CTNNA3: variants seen among roughly 807,000 people sequenced by gnomAD.
CTNNA3 encodes the protein catenin alpha 3.
In CTNNA3, 76 loss-of-function variants were observed where a neutral mutation model predicts 95.7. The observed-to-expected ratio is 0.79, with a 90% CI of 0.66 to 0.96. CTNNA3 has a LOEUF of 0.96. CTNNA3 is among the 40% of genes least tolerant of loss of function. The probability of loss-of-function intolerance (pLI) is 0.00; values close to 1 mark genes in which losing one functional copy is unlikely to be tolerated. For missense variants in CTNNA3, 1,191 were observed against 1,089.8 expected, an observed-to-expected ratio of 1.09 and a Z score of -1.31; for synonymous variants, 431 against 374.4, an observed-to-expected ratio of 1.15 and a Z score of -1.74.
At chr10:66,633,270 T>C (rs79228252) in intron 9 of CTNNA3, among the ~76,000 whole-genome samples, 10,562 of 152,210 alleles carry the variant, frequency 0.069, 499 homozygotes, top group Non-Finnish European at 0.1. Flanking sequence ...GGAGAATAAA[T>C]TATGTAATAT....
In CTNNA3 at chr10:66,882,909, C is replaced by G. The variant is rs140284635; in HGVS notation, c.1048-107385G>C. 4.4e-3 allele frequency among the ~76,000 whole-genome samples: 669 copies of G among 152,126 alleles called. 4 individuals carry two copies. Among genetic ancestry groups the G allele is most frequent in the African/African-American group, 0.015 (643 of 41,496 alleles). On this transcript the variant is annotated intron_variant, in intron 7 of 17. Transcript: ENST00000433211. ...GAGATAAAATTATTAATCTAATAAG[C>G]AGTTCTTAACATATTAGGAATACCT...
rs143623743 is a variant in CTNNA3, at chr10:67,656,560, T to C, written c.-5-9042A>G. ...TGATTTCGTATATTAGAAAATAACA[T>C]ATGCCATTTTAAAAAAGAAAAAGCA... On this transcript the variant is annotated intron_variant, in intron 1 of 17. Coordinates refer to ENST00000433211, the MANE Select transcript of CTNNA3 (RefSeq NM_013266.4). 1.1e-4 allele frequency among the ~76,000 whole-genome samples: 17 copies of C among 152,116 alleles called. No individual in the cohort carries two copies. The East Asian group carries it at 1.7e-3, about 16-fold the overall frequency.
intron 1 of CTNNA3, among the ~76,000 whole-genome samples, chr10:67,691,711 G>A (rs1589569865): frequency 6.6e-6 from 1 of 151,798 alleles, no homozygotes. Context: ...ACCCCGTCTG[G>A]GAAGTGAGGA....
intron 7 of CTNNA3, among the ~76,000 whole-genome samples, chr10:66,831,557 T>A (rs191433309): frequency 1.6e-4 from 25 of 152,300 alleles, no homozygotes; most frequent in Admixed American, 1.0e-3. Flanking sequence ...AGTTGGCACT[T>A]CAATTGTTTA....
At chr10:66,776,230 AT>A (rs1367644395) in intron 7 of CTNNA3, among the ~76,000 whole-genome samples, 2 of 152,224 alleles carry the variant, frequency 1.3e-5, no homozygotes, top group African/African-American at 4.8e-5. Context: ...ACTGGATTAA[AT>A]CTAATCATAC....
chr10:66,551,130 T>C (rs1289826407), intron 10 of CTNNA3, among the ~76,000 whole-genome samples: 1 of 152,190 alleles, frequency 6.6e-6, no homozygotes, highest in African/African-American at 2.4e-5. Flanking sequence ...CATCATTCCC[T>C]TTCCTTTAGC....
intron 2 of CTNNA3, among the ~76,000 whole-genome samples, chr10:67,622,012 T>C (rs911945876): frequency 6.6e-6 from 1 of 152,180 alleles, no homozygotes; most frequent in Non-Finnish European, 1.5e-5. Context: ...TCTGGACCCA[T>C]ACAGTAAAAG....
At chr10:67,720,883 G>A (rs535813636) in intron 1 of CTNNA3, among the ~76,000 whole-genome samples, 58 of 152,144 alleles carry the variant, frequency 3.8e-4, no homozygotes, top group Non-Finnish European at 6.5e-4. Flanking sequence ...GAATCTGGGA[G>A]GCGGAGGTTG....
intron 5 of CTNNA3, among the ~76,000 whole-genome samples, chr10:67,232,771 A>T (rs1476725247): frequency 2.0e-5 from 3 of 151,928 alleles, no homozygotes; most frequent in African/African-American, 4.8e-5. Flanking sequence ...AACCCATCTC[A>T]CGTGCAGAGA....
intron 13 of CTNNA3, among the ~76,000 whole-genome samples, chr10:66,107,324 A>G (rs907870209): frequency 1.3e-5 from 2 of 152,188 alleles, no homozygotes; most frequent in Non-Finnish European, 2.9e-5. Flanking sequence ...GAATAGGCTT[A>G]GTTTCTTCAC....
chr10:66,411,270 A>T (rs1056174740), intron 11 of CTNNA3, among the ~76,000 whole-genome samples: 1 of 152,182 alleles, frequency 6.6e-6, no homozygotes, highest in African/African-American at 2.4e-5. Context: ...TAAGAAAAAT[A>T]ATATAAAGCA....
intron 17 of CTNNA3, among the ~76,000 whole-genome samples, chr10:65,922,097 G>T (rs1398591184): frequency 6.6e-6 from 1 of 152,118 alleles, no homozygotes; most frequent in African/African-American, 2.4e-5. Flanking sequence ...GCTGGAACTG[G>T]AACCAAGTAA....
chr10:66,768,325 G>A (rs1839948334), intron 8 of CTNNA3, among the ~76,000 whole-genome samples: 1 of 152,118 alleles, frequency 6.6e-6, no homozygotes. Context: ...CAGCATATGG[G>A]AACTAACTCA....
At chr10:67,020,032 T>C (rs1852903487) in intron 7 of CTNNA3, among the ~76,000 whole-genome samples, 1 of 151,936 alleles carries the variant, frequency 6.6e-6, no homozygotes, top group Non-Finnish European at 1.5e-5. Flanking sequence ...TTTCCCTCAC[T>C]GTGTCAAGAA....
At chr10:66,232,252 A>C (rs2089625293) in intron 13 of CTNNA3, among the ~76,000 whole-genome samples, 1 of 152,194 alleles carries the variant, frequency 6.6e-6, no homozygotes, top group Non-Finnish European at 1.5e-5. Context: ...TAAGCTGATA[A>C]ATTTGTGGTA....
At chr10:67,567,168 T>C (rs908217259) in intron 3 of CTNNA3, among the ~76,000 whole-genome samples, 8 of 148,460 alleles carry the variant, frequency 5.4e-5, no homozygotes, top group African/African-American at 1.5e-4. Context: ...ACTTAAAGCA[T>C]AATAATAATA....
At chr10:66,720,528 G>T (rs1014410020) in intron 9 of CTNNA3, among the ~76,000 whole-genome samples, 1 of 152,112 alleles carries the variant, frequency 6.6e-6, no homozygotes, top group African/African-American at 2.4e-5. Context: ...CAGAAGGAAG[G>T]TAGGCAAAGG....
At position 66,731,552 on chromosome 10, in the gene CTNNA3, T is replaced by C. The variant is rs1185310837; in HGVS notation, c.1281+34712A>G. Among the ~76,000 whole-genome samples, 90 of 152,182 alleles carry C rather than the reference T, an allele frequency of 5.9e-4. 1 individual carries two copies. Among genetic ancestry groups the C allele is most frequent in the Non-Finnish European group, 2.1e-4 (14 of 68,026 alleles). ...AAACTGCTGCAAAGCTGTTAATAGC[T>C]AAGGACCTACAACCACATTTTTGTT... On this transcript the variant is annotated intron_variant, in intron 9 of 17. Transcript: ENST00000433211.
At chr10:67,146,395 T>A (rs1360098039) in intron 7 of CTNNA3, among the ~76,000 whole-genome samples, 1 of 152,200 alleles carries the variant, frequency 6.6e-6, no homozygotes, top group Non-Finnish European at 1.5e-5. Context: ...AGCAAAGAGA[T>A]TCAAATATGA....
Sources: allele counts gnomAD v4.1 joint callset (sites outside exome capture counted in the v4.1 genomes callset), GRCh38; gene constraint gnomAD v4.1.1; transcripts MANE v1.5; gene names NCBI Gene and HGNC (gene_info 2026-07-23, HGNC 2026-07-21).